The following CMIP variants were observed in gnomAD, a reference collection of about 807,000 sequenced individuals.
CMIP encodes the protein C-Maf-inducing protein.
In CMIP, 13 loss-of-function variants were observed where a neutral mutation model predicts 97.3. The observed-to-expected ratio is 0.13, with a 90% CI of 0.09 to 0.21. CMIP has a LOEUF of 0.21. Among genes scored for constraint, CMIP ranks in the 10% least tolerant of loss-of-function variants. The probability of loss-of-function intolerance (pLI) is 1.00; values close to 1 mark genes in which losing one functional copy is unlikely to be tolerated. For synonymous variants in CMIP, 538 were observed against 436.3 expected, an observed-to-expected ratio of 1.23 and a Z score of -2.91; for missense variants, 847 against 1,024.9, an observed-to-expected ratio of 0.83 and a Z score of 2.37.
intron 1 of CMIP, among the ~76,000 whole-genome samples, chr16:81,588,652 G>A (rs1197655414): frequency 1.3e-5 from 2 of 151,994 alleles, no homozygotes; most frequent in Non-Finnish European, 2.9e-5. Context: ...TTTCACCTAC[G>A]CTTATCATCA....
intron 1 of CMIP, among the ~76,000 whole-genome samples, chr16:81,561,011 G>A (rs977222376): frequency 1.3e-5 from 2 of 152,144 alleles, no homozygotes; most frequent in East Asian, 1.9e-4. Context: ...CTGGAGTGCC[G>A]TGGTGCAATC....
intron 1 of CMIP, among the ~76,000 whole-genome samples, chr16:81,569,349 A>G (rs1018140390): frequency 6.6e-6 from 1 of 152,252 alleles, no homozygotes; most frequent in Non-Finnish European, 1.5e-5. Context: ...GTACCCCAGT[A>G]GGTAATGGAG....
intron 1 of CMIP, among the ~76,000 whole-genome samples, chr16:81,552,731 AAGACAT>A (rs1306319043): frequency 1.3e-5 from 2 of 152,192 alleles, no homozygotes; most frequent in Admixed American, 1.3e-4. Flanking sequence ...GATCAGGGCG[AAGACAT>A]AGACATCTTT....
intron 3 of CMIP, among the ~76,000 whole-genome samples, chr16:81,640,770 G>GTGTGTGTGTGTGTGTGTGTGTGTGTC (rs376370488): frequency 1.5e-5 from 2 of 135,590 alleles, no homozygotes; most frequent in African/African-American, 2.8e-5. Flanking sequence ...GTGTGTGTGT[G>GTGTGTGTGTGTGTGTGTGTGTGTGTC]TCTCTCTCTC....
At chr16:81,576,876 C>T (rs1411521715) in intron 1 of CMIP, among the ~76,000 whole-genome samples, 2 of 152,088 alleles carry the variant, frequency 1.3e-5, no homozygotes, top group African/African-American at 4.8e-5. Flanking sequence ...TTTGGTGAAG[C>T]TTGAGAAGTA....
intron 1 of CMIP, among the ~76,000 whole-genome samples, chr16:81,463,328 C>T (rs1379228285): frequency 1.3e-5 from 2 of 152,290 alleles, no homozygotes; most frequent in Non-Finnish European, 2.9e-5. Flanking sequence ...GGACAGAGTT[C>T]CTTGGGGCCA....
At chr16:81,523,407 C>T (rs1159535061) in intron 1 of CMIP, among the ~76,000 whole-genome samples, 1 of 152,156 alleles carries the variant, frequency 6.6e-6, no homozygotes, top group Non-Finnish European at 1.5e-5. Flanking sequence ...ACAGACTCAC[C>T]CCCTGTCACA....
intron 3 of CMIP, among the ~76,000 whole-genome samples, chr16:81,637,742 G>A (rs573435214): frequency 6.6e-6 from 1 of 152,124 alleles, no homozygotes; most frequent in African/African-American, 2.4e-5. Flanking sequence ...TGAGCAAAGA[G>A]TGATGAGGGT....
intron 10 of CMIP, among the ~76,000 whole-genome samples, chr16:81,682,487 C>G (rs933079615): frequency 1.3e-5 from 2 of 151,848 alleles, no homozygotes; most frequent in African/African-American, 4.8e-5. Context: ...ATCACTTGAA[C>G]CCGGGAGGCG....
chr16:81,576,365 C>G (rs2091188918), intron 1 of CMIP, among the ~76,000 whole-genome samples: 1 of 152,070 alleles, frequency 6.6e-6, no homozygotes, highest in East Asian at 1.9e-4. Flanking sequence ...GATCACGTCA[C>G]TGAACTCCAG....
chr16:81,503,486 C>T (rs1357321378), intron 1 of CMIP, among the ~76,000 whole-genome samples: 5 of 152,236 alleles, frequency 3.3e-5, no homozygotes, highest in Non-Finnish European at 7.4e-5. Flanking sequence ...AGCCTTGACC[C>T]CCCAGGCTCA....
intron 1 of CMIP, among the ~76,000 whole-genome samples, chr16:81,589,354 C>G (rs571736042): frequency 3.3e-5 from 5 of 152,318 alleles, no homozygotes; most frequent in African/African-American, 1.2e-4. Flanking sequence ...TTCTTTGCCT[C>G]CCAAAATGAT....
chr16:81,632,005 A>G (rs1253433548), intron 3 of CMIP: 5 of 152,172 alleles, frequency 3.3e-5, no homozygotes, highest in Non-Finnish European at 7.4e-5. Flanking sequence ...AATTCCCACT[A>G]TCCCTAAATC....
Position 81,494,268 on chromosome 16 carries a change from G to A in CMIP, c.300+48727G>A, listed in dbSNP as rs115096310. On this transcript the variant is annotated intron_variant, in intron 1 of 20. Coordinates refer to ENST00000537098, the MANE Select transcript of CMIP (RefSeq NM_198390.3). ...TTCATCCTTCCCCTCTCGGTTGCCAGCCCAGTGCTGGAGGGACGCAGGGCA... is the reference window on the plus strand; with the variant it reads ...TTCATCCTTCCCCTCTCGGTTGCCAACCCAGTGCTGGAGGGACGCAGGGCA... Among the ~76,000 whole-genome samples, 814 of 152,326 alleles carry A rather than the reference G, an allele frequency of 5.3e-3. 8 individuals are homozygous for A. The highest frequency in any genetic ancestry group is 0.019 in the African/African-American group (779 of 41,566).
At chr16:81,465,374 C>G (rs1243743025) in intron 1 of CMIP, among the ~76,000 whole-genome samples, 2 of 152,162 alleles carry the variant, frequency 1.3e-5, no homozygotes, top group African/African-American at 2.4e-5. Context: ...GGGATGCCAG[C>G]TGGACTTTCA....
chr16:81,556,898 G>T (rs750355005), intron 1 of CMIP, among the ~76,000 whole-genome samples: 2 of 152,226 alleles, frequency 1.3e-5, no homozygotes, highest in Non-Finnish European at 2.9e-5. Context: ...TGAGGAAAGC[G>T]TAAACTGTCC....
chr16:81,577,034 CCATCAT>C (rs201261570), intron 1 of CMIP, among the ~76,000 whole-genome samples: 10 of 140,752 alleles, frequency 7.1e-5, no homozygotes, highest in East Asian at 2.0e-4. Flanking sequence ...ATCACCATCA[CCATCAT>C]CACCATCATA....
chr16:81,557,117 G>A (rs1410592547), intron 1 of CMIP, among the ~76,000 whole-genome samples: 1 of 152,234 alleles, frequency 6.6e-6, no homozygotes, highest in African/African-American at 2.4e-5. Context: ...GGGAAGCTGG[G>A]TGAGAGGGCT....
chr16:81,609,043 G>C (rs1050524017), intron 2 of CMIP, among the ~76,000 whole-genome samples: 23 of 152,262 alleles, frequency 1.5e-4, no homozygotes, highest in Admixed American at 1.3e-4. Flanking sequence ...TGTTAGAAAT[G>C]TCCTGTTTCT....
Sources: allele counts gnomAD v4.1 joint callset (sites outside exome capture counted in the v4.1 genomes callset), GRCh38; gene constraint gnomAD v4.1.1; transcripts MANE v1.5; gene names NCBI Gene and HGNC (gene_info 2026-07-23, HGNC 2026-07-21).